The following DAB1 variants were observed in gnomAD, a reference collection of about 807,000 sequenced individuals.
DAB1 encodes DAB adaptor protein 1.
Under a neutral mutation model 64.6 loss-of-function variants are expected in DAB1, and 15 were observed. The ratio of observed to expected loss-of-function variants is 0.23; its 90% CI spans 0.16 to 0.36. The LOEUF is 0.36. DAB1 is among the 10% of genes least tolerant of loss of function. The probability of loss-of-function intolerance (pLI) is 1.00; values close to 1 mark genes in which losing one functional copy is unlikely to be tolerated. For missense variants in DAB1, 596 were observed against 706.7 expected (o/e 0.84, Z 1.78); for synonymous variants, 235 against 251.9 (o/e 0.93, Z 0.64).
intron 5 of DAB1, among the ~76,000 whole-genome samples, chr1:57,931,124 C>T (rs1234220078): frequency 6.6e-6 from 1 of 152,116 alleles, no homozygotes; most frequent in African/African-American, 2.4e-5. Flanking sequence ...AATTTTTCTT[C>T]TTTAGCTAGC....
intron 3 of DAB1, among the ~76,000 whole-genome samples, chr1:58,422,531 A>C (rs1434656380): frequency 1.3e-5 from 2 of 151,914 alleles, no homozygotes; most frequent in Admixed American, 6.6e-5. Flanking sequence ...AGAAGCCACC[A>C]GCTGTAATCC....
chr1:57,631,588 T>C (rs1294971895), intron 7 of DAB1, among the ~76,000 whole-genome samples: 1 of 152,234 alleles, frequency 6.6e-6, no homozygotes, highest in Non-Finnish European at 1.5e-5. Context: ...ATGTCCCTGA[T>C]GTTTATAGTA....
chr1:57,908,430 C>A (rs963678449), intron 5 of DAB1, among the ~76,000 whole-genome samples: 1 of 152,120 alleles, frequency 6.6e-6, no homozygotes, highest in African/African-American at 2.4e-5. Flanking sequence ...GAGAAGAGAG[C>A]CAGGGAGGGA....
intron 5 of DAB1, among the ~76,000 whole-genome samples, chr1:58,063,310 A>C (rs1214377958): frequency 6.6e-6 from 1 of 152,058 alleles, no homozygotes; most frequent in Non-Finnish European, 1.5e-5. Context: ...GTGACGCAAG[A>C]AAAAAAATGA....
rs75100655 is a variant in DAB1 at position 58,207,097 on chromosome 1, C to G, written n.310-56509G>C. On this transcript the variant is annotated intron_variant and non_coding_transcript_variant, in intron 4 of 20. Transcript: ENST00000485760. ...CGGAGGCTCCAAACATCTGCTAGCA[C>G]CCAGTCAAGATGAGAAAACTCAGCT... Among the ~76,000 whole-genome samples the G allele has an allele frequency of 5.3e-3, 806 of 152,296 alleles. 8 individuals carry two copies. Among genetic ancestry groups the G allele is most frequent in the African/African-American group, 0.019 (773 of 41,560 alleles).
At chr1:58,049,608 A>G (rs1170202117) in intron 5 of DAB1, among the ~76,000 whole-genome samples, 3 of 152,334 alleles carry the variant, frequency 2.0e-5, no homozygotes, top group South Asian at 4.1e-4. Context: ...AAGAAAGAGC[A>G]TGGATTTTGG....
At chr1:57,215,309 A>G (rs1666341620) in intron 2 of DAB1, among the ~76,000 whole-genome samples, 1 of 152,222 alleles carries the variant, frequency 6.6e-6, no homozygotes, top group African/African-American at 2.4e-5. Context: ...AGCTTAATAA[A>G]AGAAACAGTT....
chr1:58,300,528 C>T (rs1036277355), intron 4 of DAB1, among the ~76,000 whole-genome samples: 21 of 131,514 alleles, frequency 1.6e-4, no homozygotes, highest in African/African-American at 6.1e-4. Flanking sequence ...GCCTGGGCAA[C>T]AAAAGTGAAA....
At chr1:57,137,581 C>T (rs184008366) in intron 3 of DAB1, among the ~76,000 whole-genome samples, 6 of 152,310 alleles carry the variant, frequency 3.9e-5, no homozygotes, top group Admixed American at 6.5e-5. Flanking sequence ...GGGATCTACA[C>T]CCTGAGGTGC....
At position 58,502,391 on chromosome 1, in the gene DAB1, G is replaced by A. The variant is rs182770382; in HGVS notation, n.257+3669C>T. On this transcript the variant is annotated intron_variant and non_coding_transcript_variant, in intron 3 of 20. Coordinates refer to the DAB1 transcript ENST00000485760. ...ATCTTTTTCTCTAATCACTTCCTAC[G>A]TGAACTCATCCATTCTCATTGCTTC... Among the ~76,000 whole-genome samples, 16 of 152,190 alleles carry A rather than the reference G, an allele frequency of 1.1e-4. No homozygotes were observed. In the East Asian group the frequency reaches 2.7e-3, roughly 26 times the overall value.
chr1:57,181,751 G>T (rs984011653), intron 2 of DAB1, among the ~76,000 whole-genome samples: 19 of 152,188 alleles, frequency 1.2e-4, no homozygotes, highest in African/African-American at 4.3e-4. Flanking sequence ...TTGAAGACAG[G>T]CAAATGTGAA....
At chr1:58,301,217 GA>G (rs2100462986) in intron 4 of DAB1, among the ~76,000 whole-genome samples, 1 of 122,814 alleles carries the variant, frequency 8.1e-6, no homozygotes, top group South Asian at 3.5e-4. Context: ...CAGAAGAGCA[GA>G]TATGTGGGGG....
At chr1:57,659,396 A>G (rs1201073175) in intron 6 of DAB1, among the ~76,000 whole-genome samples, 1 of 152,224 alleles carries the variant, frequency 6.6e-6, no homozygotes, top group Non-Finnish European at 1.5e-5. Flanking sequence ...CAGATATTAC[A>G]TGCTAGAATA....
chr1:57,370,554 G>T (rs1680412510), intron 1 of DAB1, among the ~76,000 whole-genome samples: 1 of 151,774 alleles, frequency 6.6e-6, no homozygotes, highest in South Asian at 2.1e-4. Flanking sequence ...TTTTATTGGG[G>T]TGAGGGAGAG....
chr1:57,208,732 C>T (rs572989636), intron 2 of DAB1, among the ~76,000 whole-genome samples: 20 of 152,172 alleles, frequency 1.3e-4, no homozygotes, highest in Non-Finnish European at 2.1e-4. Flanking sequence ...CTCCAGTTTA[C>T]ATGATACACC....
intron 6 of DAB1, among the ~76,000 whole-genome samples, chr1:57,734,101 G>T (rs1647566542): frequency 6.6e-6 from 1 of 152,012 alleles, no homozygotes; most frequent in African/African-American, 2.4e-5. Flanking sequence ...GTGGACTCAG[G>T]AGGCGTGGAT....
intron 6 of DAB1, among the ~76,000 whole-genome samples, chr1:57,748,629 A>G (rs1411297013): frequency 1.3e-5 from 2 of 152,222 alleles, no homozygotes; most frequent in Non-Finnish European, 2.9e-5. Flanking sequence ...TTTAAATTTG[A>G]TACAAGGAGA....
At chr1:58,034,024 T>C (rs1005159860) in intron 5 of DAB1, among the ~76,000 whole-genome samples, 3 of 152,186 alleles carry the variant, frequency 2.0e-5, no homozygotes. Context: ...CATGACATAA[T>C]CTGCCTACCC....
chr1:58,302,461 C>T (rs1662194917), intron 4 of DAB1, among the ~76,000 whole-genome samples: 1 of 152,108 alleles, frequency 6.6e-6, no homozygotes, highest in Non-Finnish European at 1.5e-5. Context: ...GAAAACTGCT[C>T]ATGCAATTTT....
Sources: gnomAD v4.1 joint callset for allele counts (sites outside exome capture counted in the v4.1 genomes callset) on GRCh38, gnomAD v4.1.1 for gene constraint, MANE v1.5 for transcripts, NCBI Gene and HGNC (gene_info 2026-07-23, HGNC 2026-07-21) for gene names.